The following FGF12 variants were observed in gnomAD, a reference collection of about 807,000 sequenced individuals.
FGF12 encodes fibroblast growth factor 12, also known as fibroblast growth factor 12B.
In FGF12, 14 loss-of-function variants were observed where a neutral mutation model predicts 23.6. The ratio of observed to expected loss-of-function variants is 0.59; its 90% CI spans 0.39 to 0.93. The LOEUF (loss-of-function observed/expected upper bound fraction) is 0.93, where lower values mean the gene tolerates loss of function less well. FGF12 is among the 40% of genes least tolerant of loss of function. FGF12 has a pLI of 0.00. For synonymous variants in FGF12, 62 were observed against 77.3 expected (o/e 0.80, Z 1.04); for missense variants, 175 against 217.8 (o/e 0.80, Z 1.24).
rs559938078 is a variant in FGF12 at position 192,481,685 on chromosome 3, C to T, written c.14-121147G>A. On this transcript the variant is annotated intron_variant, in intron 2 of 5. Coordinates refer to ENST00000445105, the MANE Select transcript of FGF12 (RefSeq NM_004113.6). ...GCCAGTAACACTGTAAATGGCAGAG[C>T]GAAAAGTGAAGAAAAATCTAGTTCT... Among the ~76,000 whole-genome samples, 362 of 152,224 alleles carry T rather than the reference C, an allele frequency of 2.4e-3. 3 individuals are homozygous for T. Among genetic ancestry groups the T allele is most frequent in the South Asian group, 4.8e-3 (23 of 4,824 alleles).
intron 2 of FGF12, among the ~76,000 whole-genome samples, chr3:192,460,643 A>G (rs2108807153): frequency 6.7e-6 from 1 of 150,374 alleles, no homozygotes; most frequent in Non-Finnish European, 1.5e-5. Flanking sequence ...AACAACAGCA[A>G]CAACAAATAT....
chr3:192,563,432 T>G, intron 2 of FGF12, among the ~76,000 whole-genome samples: 1 of 152,106 alleles, frequency 6.6e-6, no homozygotes, highest in East Asian at 1.9e-4. Context: ...AATCCCATCC[T>G]CCTCCTAGTT....
chr3:192,562,999 T>C (rs964831601), intron 2 of FGF12, among the ~76,000 whole-genome samples: 8 of 152,066 alleles, frequency 5.3e-5, no homozygotes, highest in South Asian at 2.1e-4. Context: ...ATGACCAGGG[T>C]AATAAGGACA....
At chr3:192,722,092 C>T (rs1719055822) in intron 2 of FGF12, among the ~76,000 whole-genome samples, 1 of 152,102 alleles carries the variant, frequency 6.6e-6, no homozygotes, top group Non-Finnish European at 1.5e-5. Flanking sequence ...GTGCCTGGAA[C>T]AATGTGGCAA....
intron 2 of FGF12, among the ~76,000 whole-genome samples, chr3:192,366,415 T>TG (rs1429088807): frequency 1.6e-4 from 24 of 152,176 alleles, no homozygotes; most frequent in African/African-American, 5.5e-4. Flanking sequence ...AATTATGTAA[T>TG]GGGGGCCATA....
rs1715541767 is a variant in FGF12, at chr3:192,635,394, C to T, written c.13+91787G>A. ...TGAAATCCCTACATATACACATGTACATTTTGATGCTAGAATTGATACATA... is the reference window on the plus strand; with the variant it reads ...TGAAATCCCTACATATACACATGTATATTTTGATGCTAGAATTGATACATA... On this transcript the variant is annotated intron_variant, in intron 2 of 5. Coordinates refer to ENST00000445105, the MANE Select transcript of FGF12 (RefSeq NM_004113.6). 2.0e-5 allele frequency among the ~76,000 whole-genome samples: 3 copies of T among 152,130 alleles called. No homozygotes were observed. The South Asian group carries it at 6.2e-4, about 32-fold the overall frequency.
intron 2 of FGF12, among the ~76,000 whole-genome samples, chr3:192,548,746 G>A (rs1470291853): frequency 3.3e-5 from 5 of 151,980 alleles, no homozygotes; most frequent in Non-Finnish European, 5.9e-5. Flanking sequence ...CCCAGTTGTA[G>A]TGTTATATCC....
At chr3:192,711,517 T>C (rs981449442) in intron 2 of FGF12, among the ~76,000 whole-genome samples, 14 of 152,100 alleles carry the variant, frequency 9.2e-5, no homozygotes, top group Non-Finnish European at 2.1e-4. Context: ...GGGGGAAATG[T>C]GGGGAAAAGA....
chr3:192,555,706 G>C (rs1044668515), intron 2 of FGF12, among the ~76,000 whole-genome samples: 4 of 151,738 alleles, frequency 2.6e-5, no homozygotes, highest in Admixed American at 1.3e-4. Context: ...GCTGAGGTGG[G>C]GGAATTGCTT....
At chr3:192,282,510 T>G (rs1476960783) in intron 4 of FGF12, among the ~76,000 whole-genome samples, 1 of 152,146 alleles carries the variant, frequency 6.6e-6, no homozygotes, top group Non-Finnish European at 1.5e-5. Flanking sequence ...AGTGGCTAAG[T>G]GTACTATGTA....
chr3:192,215,320 G>A (rs1272266041), intron 4 of FGF12, among the ~76,000 whole-genome samples: 3 of 152,122 alleles, frequency 2.0e-5, no homozygotes, highest in African/African-American at 7.2e-5. Flanking sequence ...AAGGGAGAGA[G>A]GAGAAATACT....
chr3:192,300,622 A>G (rs1037633485), intron 4 of FGF12, among the ~76,000 whole-genome samples: 1 of 149,716 alleles, frequency 6.7e-6, no homozygotes, highest in Non-Finnish European at 1.5e-5. Flanking sequence ...TTATAATGTT[A>G]TGTATTTTTT....
chr3:192,543,775 C>A (rs1430550720), intron 2 of FGF12, among the ~76,000 whole-genome samples: 3 of 152,142 alleles, frequency 2.0e-5, no homozygotes, highest in Non-Finnish European at 4.4e-5. Flanking sequence ...AGTGGATTCC[C>A]TTTTGGCCCA....
intron 3 of FGF12, among the ~76,000 whole-genome samples, chr3:192,353,284 G>A (rs891804257): frequency 6.7e-6 from 1 of 150,100 alleles, no homozygotes; most frequent in African/African-American, 2.5e-5. Context: ...CCCATAAAAA[G>A]TCACAGAGTA....
intron 4 of FGF12, chr3:192,267,049 T>C (rs754452067): frequency 5.9e-5 from 9 of 152,198 alleles, no homozygotes; most frequent in Non-Finnish European, 1.2e-4. Flanking sequence ...ATTTAAATTT[T>C]TGGCACCTTC....
intron 2 of FGF12, among the ~76,000 whole-genome samples, chr3:192,403,605 G>C (rs568009901): frequency 1.3e-4 from 20 of 150,780 alleles, no homozygotes; most frequent in African/African-American, 3.9e-4. Flanking sequence ...TGACTTTGTA[G>C]TTCAGATATG....
In FGF12 at chr3:192,695,641, A is replaced by G. The variant is rs144624970; in HGVS notation, c.13+31540T>C. Among the ~76,000 whole-genome samples, 103 of 152,328 alleles carry G rather than the reference A, an allele frequency of 6.8e-4. No individual in the cohort carries two copies. In the East Asian group the frequency reaches 0.018, roughly 27 times the overall value. ...GAGCTTTACTTACTTAAGGAATTCT[A>G]GTTCAGGATTTATCAATCAAATATT... On this transcript the variant is annotated intron_variant, in intron 2 of 5. Transcript: ENST00000445105.
chr3:192,186,608 CGT>C (rs375093076), intron 4 of FGF12, among the ~76,000 whole-genome samples: 2 of 151,762 alleles, frequency 1.3e-5, no homozygotes, highest in Non-Finnish European at 2.9e-5. Flanking sequence ...TTTGTGTGTG[CGT>C]GTGTGTGTGT....
intron 4 of FGF12, among the ~76,000 whole-genome samples, chr3:192,250,629 T>C (rs183601872): frequency 2.0e-5 from 3 of 152,222 alleles, no homozygotes; most frequent in Non-Finnish European, 4.4e-5. Flanking sequence ...TAATGATATA[T>C]TTAGATAATT....
Sources: gnomAD v4.1 joint callset for allele counts (sites outside exome capture counted in the v4.1 genomes callset) on GRCh38, gnomAD v4.1.1 for gene constraint, MANE v1.5 for transcripts, NCBI Gene and HGNC (gene_info 2026-07-23, HGNC 2026-07-21) for gene names.